Variants in BRINP1 observed in about 807,000 individuals in gnomAD.
The protein encoded by BRINP1 is BMP/retinoic acid inducible neural specific 1, also known as BMP/retinoic acid-inducible neural-specific protein 1.
A neutral mutation model predicts 72.9 loss-of-function variants in BRINP1; 17 were observed. That is an observed-to-expected ratio of 0.23 (90% CI 0.16 to 0.35). The LOEUF (loss-of-function observed/expected upper bound fraction) is 0.35. Among genes scored for constraint, BRINP1 ranks in the 10% least tolerant of loss-of-function variants. The pLI, the probability that BRINP1 is intolerant of heterozygous loss-of-function variation, is 1.00. For synonymous variants in BRINP1, 418 were observed against 378.5 expected, an observed-to-expected ratio of 1.10 and a Z score of -1.21; for missense variants, 850 against 1,001.6, an observed-to-expected ratio of 0.85 and a Z score of 2.04.
intron 7 of BRINP1, among the ~76,000 whole-genome samples, chr9:119,181,143 G>A (rs1829552320): frequency 1.3e-5 from 2 of 152,202 alleles, no homozygotes; most frequent in Non-Finnish European, 2.9e-5. Context: ...AAGGGTGACA[G>A]AAAGGCTAAA....
chr9:119,266,497 C>T (rs1471833103), intron 2 of BRINP1, among the ~76,000 whole-genome samples: 1 of 152,192 alleles, frequency 6.6e-6, no homozygotes, highest in Non-Finnish European at 1.5e-5. Context: ...GAATATTTAA[C>T]ATTTTTTTGT....
At chr9:119,289,327 C>A (rs1221592186) in intron 2 of BRINP1, among the ~76,000 whole-genome samples, 1 of 152,154 alleles carries the variant, frequency 6.6e-6, no homozygotes, top group Non-Finnish European at 1.5e-5. Flanking sequence ...GATTGGTATT[C>A]TCTACCTGTA....
At chr9:119,301,663 G>C (rs1401979919) in intron 2 of BRINP1, among the ~76,000 whole-genome samples, 1 of 152,074 alleles carries the variant, frequency 6.6e-6, no homozygotes, top group Admixed American at 6.5e-5. Flanking sequence ...TACACACTCT[G>C]TGTATATTAT....
intron 1 of BRINP1, among the ~76,000 whole-genome samples, chr9:119,359,055 CTAATA>C (rs1306832894): frequency 1.3e-5 from 2 of 152,110 alleles, no homozygotes; most frequent in African/African-American, 4.8e-5. Context: ...AATGGCTAAT[CTAATA>C]TAAGAGGGGG....
At chr9:119,314,210 T>G (rs1039674580) in intron 1 of BRINP1, among the ~76,000 whole-genome samples, 3 of 152,182 alleles carry the variant, frequency 2.0e-5, no homozygotes, top group Non-Finnish European at 4.4e-5. Flanking sequence ...GGGTCTCGCA[T>G]GCTTCTTTTA....
chr9:119,284,924 C>T (rs1023381313), intron 2 of BRINP1, among the ~76,000 whole-genome samples: 5 of 152,156 alleles, frequency 3.3e-5, no homozygotes, highest in African/African-American at 1.2e-4. Context: ...ATACTGGGCT[C>T]ATTTCAGCAG....
At chr9:119,285,788 G>A (rs1449806172) in intron 2 of BRINP1, among the ~76,000 whole-genome samples, 1 of 152,010 alleles carries the variant, frequency 6.6e-6, no homozygotes, top group Non-Finnish European at 1.5e-5. Flanking sequence ...GTGTGTATCT[G>A]GTATCATTCA....
In BRINP1 at chr9:119,180,524, G is replaced by A. The variant is rs181338933; in HGVS notation, c.1146-12300C>T. Among the ~76,000 whole-genome samples, 303 of 151,214 alleles carry A rather than the reference G, an allele frequency of 2.0e-3. 4 individuals carry two copies. Among genetic ancestry groups the A allele is most frequent in the Middle Eastern group, 3.4e-3 (1 of 294 alleles). ...GTGTGTGTGTGTGTGTGTTAAAGAA[G>A]TGGTATTTATAAGAGATGAATACGT... On this transcript the variant is annotated intron_variant, in intron 7 of 7. Coordinates refer to ENST00000265922, the MANE Select transcript of BRINP1 (RefSeq NM_014618.3).
At chr9:119,178,887 AAT>A (rs1362214745) in intron 7 of BRINP1, among the ~76,000 whole-genome samples, 1 of 152,216 alleles carries the variant, frequency 6.6e-6, no homozygotes, top group African/African-American at 2.4e-5. Context: ...CAAGAAAAGA[AAT>A]AAATTGAAAT....
chr9:119,258,510 C>A (rs540159041), intron 2 of BRINP1, among the ~76,000 whole-genome samples: 4 of 152,158 alleles, frequency 2.6e-5, no homozygotes, highest in African/African-American at 7.2e-5. Context: ...ACTCCATGCA[C>A]TGGAACTGCT....
intron 2 of BRINP1, among the ~76,000 whole-genome samples, chr9:119,254,614 A>C (rs1830426763): frequency 6.6e-6 from 1 of 152,214 alleles, no homozygotes; most frequent in South Asian, 2.1e-4. Flanking sequence ...CTTTTTTAAA[A>C]ATTCTAAGTA....
At chr9:119,349,415 A>C (rs1831481281) in intron 1 of BRINP1, among the ~76,000 whole-genome samples, 1 of 152,198 alleles carries the variant, frequency 6.6e-6, no homozygotes, top group Non-Finnish European at 1.5e-5. Context: ...CCTTGCTACA[A>C]CTTAAGTTTC....
At chr9:119,201,025 G>A (rs189631786) in intron 7 of BRINP1, among the ~76,000 whole-genome samples, 17 of 152,270 alleles carry the variant, frequency 1.1e-4, no homozygotes, top group Admixed American at 1.1e-3. Context: ...GGGGTAGGTG[G>A]GAACCAGATC....
At chr9:119,338,672 AC>A in intron 1 of BRINP1, among the ~76,000 whole-genome samples, 1 of 148,882 alleles carries the variant, frequency 6.7e-6, no homozygotes, top group South Asian at 2.1e-4. Flanking sequence ...GAAGATCGAG[AC>A]CATCCTGGCT....
rs426958 is a variant in BRINP1, at chr9:119,180,479, A to G, written c.1146-12255T>C. Among the ~76,000 whole-genome samples, 543 of 132,346 alleles carry G rather than the reference A, an allele frequency of 4.1e-3. 5 individuals carry two copies. Among genetic ancestry groups the G allele is most frequent in the African/African-American group, 0.014 (472 of 32,804 alleles). The allele number at this position is 132,346 out of a possible 152,430, so 86.8% of individuals were successfully genotyped here. A position where few individuals can be genotyped will look rare whatever the true frequency, so the allele number is the denominator to read the frequency against. ...GTGCTGTGTGTGACTCTCTCTGTGC[A>G]TGTGTGTGTGTGTGTGTGTGTGTGT... On this transcript the variant is annotated intron_variant, in intron 7 of 7. Transcript: ENST00000265922.
chr9:119,317,968 C>T (rs1831142670), intron 1 of BRINP1, among the ~76,000 whole-genome samples: 1 of 152,144 alleles, frequency 6.6e-6, no homozygotes, highest in Admixed American at 6.5e-5. Context: ...GTTTAATATG[C>T]AGTGGGAGGC....
intron 2 of BRINP1, among the ~76,000 whole-genome samples, chr9:119,288,781 GTTTT>G (rs1303143049): frequency 1.8e-4 from 28 of 151,752 alleles, no homozygotes; most frequent in African/African-American, 6.5e-4. Context: ...TTGTTTGTTT[GTTTT>G]TTGTTTTGTT....
Position 119,334,224 on chromosome 9 carries a change from C to T in BRINP1, c.-50-20819G>A, listed in dbSNP as rs554368930. Among the ~76,000 whole-genome samples the T allele has an allele frequency of 1.1e-3, 160 of 152,306 alleles. 4 individuals are homozygous for T. The South Asian group carries it at 0.032, about 31-fold the overall frequency. On this transcript the variant is annotated intron_variant, in intron 1 of 7. Coordinates refer to ENST00000265922, the MANE Select transcript of BRINP1 (RefSeq NM_014618.3). ...ATTATAGAATAAACACAACTTTGAA[C>T]TAATGAAAATTCCTGCTCAAGGAAG...
intron 2 of BRINP1, among the ~76,000 whole-genome samples, chr9:119,259,215 A>G (rs865799126): frequency 1.3e-5 from 2 of 152,232 alleles, no homozygotes; most frequent in Admixed American, 6.5e-5. Flanking sequence ...GAATCCTACA[A>G]TAAAGCCACT....
Sources: gnomAD v4.1 joint callset for allele counts (sites outside exome capture counted in the v4.1 genomes callset) on GRCh38, gnomAD v4.1.1 for gene constraint, MANE v1.5 for transcripts, NCBI Gene and HGNC (gene_info 2026-07-23, HGNC 2026-07-21) for gene names.